ST6GALNAC3: variants seen among roughly 807,000 people sequenced by gnomAD.
ST6GALNAC3 encodes the protein alpha-N-acetylgalactosaminide alpha-2,6-sialyltransferase 3.
Under a neutral mutation model 32.7 loss-of-function variants are expected in ST6GALNAC3, and 25 were observed. The ratio of observed to expected loss-of-function variants is 0.76; its 90% CI spans 0.56 to 1.07. The LOEUF (loss-of-function observed/expected upper bound fraction) is 1.07. Ranked by LOEUF, ST6GALNAC3 falls within the 50% of genes least tolerant of loss-of-function variation. ST6GALNAC3 has a pLI of 0.00. For missense variants in ST6GALNAC3, 355 were observed against 382.4 expected, an observed-to-expected ratio of 0.93 and a Z score of 0.60; for synonymous variants, 129 against 133.1, an observed-to-expected ratio of 0.97 and a Z score of 0.21.
intron 1 of ST6GALNAC3, among the ~76,000 whole-genome samples, chr1:76,283,557 C>T: frequency 6.6e-6 from 1 of 152,154 alleles, no homozygotes; most frequent in Admixed American, 6.5e-5. Context: ...TAAAGAAAAT[C>T]TGGCCTGTTT....
intron 1 of ST6GALNAC3, among the ~76,000 whole-genome samples, chr1:76,268,531 C>T (rs150404845): frequency 5.9e-5 from 9 of 152,246 alleles, no homozygotes; most frequent in African/African-American, 1.4e-4. Context: ...AAGCCATGCA[C>T]GAGTGATCTT....
intron 2 of ST6GALNAC3, among the ~76,000 whole-genome samples, chr1:76,399,464 C>A (rs1359715751): frequency 6.6e-6 from 1 of 152,124 alleles, no homozygotes; most frequent in Non-Finnish European, 1.5e-5. Context: ...ATCACAAACA[C>A]TTGGGGTCTT....
intron 1 of ST6GALNAC3, among the ~76,000 whole-genome samples, chr1:76,232,066 C>G (rs1223822174): frequency 6.6e-6 from 1 of 152,186 alleles, no homozygotes; most frequent in Non-Finnish European, 1.5e-5. Flanking sequence ...TTTGGACAAA[C>G]AGAACCAGGC....
chr1:76,121,368 C>T (rs2100836547), intron 1 of ST6GALNAC3, among the ~76,000 whole-genome samples: 2 of 152,296 alleles, frequency 1.3e-5, no homozygotes, highest in Non-Finnish European at 2.9e-5. Context: ...CATCTCATCT[C>T]CCTGCTTCCA....
intron 2 of ST6GALNAC3, among the ~76,000 whole-genome samples, chr1:76,337,844 A>G (rs1647630648): frequency 6.6e-6 from 1 of 152,078 alleles, no homozygotes; most frequent in Admixed American, 6.6e-5. Context: ...TACGTCTAGC[A>G]CTGGGTCTGT....
intron 1 of ST6GALNAC3, among the ~76,000 whole-genome samples, chr1:76,089,067 C>T (rs1647003968): frequency 1.3e-5 from 2 of 152,078 alleles, no homozygotes; most frequent in African/African-American, 4.8e-5. Context: ...CTCGCTCTGT[C>T]ACCCAGGCTG....
At chr1:76,206,833 T>G (rs532336263) in intron 1 of ST6GALNAC3, among the ~76,000 whole-genome samples, 1 of 152,328 alleles carries the variant, frequency 6.6e-6, no homozygotes, top group East Asian at 1.9e-4. Context: ...AGCTCATGCT[T>G]AAATGATAAC....
At position 76,427,081 on chromosome 1, in the gene ST6GALNAC3, A is replaced by G. The variant is rs571403830; in HGVS notation, c.623+14664A>G. Among the ~76,000 whole-genome samples, 338 of 152,194 alleles carry G rather than the reference A, an allele frequency of 2.2e-3. 1 individual carries two copies. The highest frequency in any genetic ancestry group is 7.8e-3 in the African/African-American group (326 of 41,564). On this transcript the variant is annotated intron_variant, in intron 3 of 4. Coordinates refer to ENST00000328299, the MANE Select transcript of ST6GALNAC3 (RefSeq NM_152996.4). ...CATAGCTCAAGAATCTCTGTTGCCA[A>G]CTTCATGGTCTCCTTAGTGGTACAG... is the stretch of plus-strand genomic sequence containing the variant.
intron 2 of ST6GALNAC3, among the ~76,000 whole-genome samples, chr1:76,322,921 A>G (rs1646997222): frequency 6.6e-6 from 1 of 151,712 alleles, no homozygotes; most frequent in African/African-American, 2.4e-5. Flanking sequence ...GCTCACTGCA[A>G]CCTCCACCTC....
intron 3 of ST6GALNAC3, among the ~76,000 whole-genome samples, chr1:76,557,461 A>T (rs1333251600): frequency 6.6e-6 from 1 of 152,086 alleles, no homozygotes; most frequent in East Asian, 1.9e-4. Context: ...TTCCATCAGG[A>T]TTGTAAACCA....
At chr1:76,525,608 AC>A (rs1234952367) in intron 3 of ST6GALNAC3, among the ~76,000 whole-genome samples, 1 of 151,508 alleles carries the variant, frequency 6.6e-6, no homozygotes, top group Non-Finnish European at 1.5e-5. Context: ...CACTACTGGT[AC>A]AAGAGGCACC....
chr1:76,531,347 C>A (rs1663240828), intron 3 of ST6GALNAC3, among the ~76,000 whole-genome samples: 1 of 152,168 alleles, frequency 6.6e-6, no homozygotes, highest in East Asian at 1.9e-4. Context: ...TGTTTGGAAG[C>A]AGCCTGGGGC....
intron 1 of ST6GALNAC3, among the ~76,000 whole-genome samples, chr1:76,202,229 T>C (rs1654560563): frequency 6.6e-6 from 1 of 151,740 alleles, no homozygotes; most frequent in South Asian, 2.1e-4. Context: ...TCCAAGCCAA[T>C]TCTTTAAAGA....
At chr1:76,226,714 AC>A (rs1656092420) in intron 1 of ST6GALNAC3, among the ~76,000 whole-genome samples, 1 of 152,090 alleles carries the variant, frequency 6.6e-6, no homozygotes, top group Admixed American at 6.6e-5. Flanking sequence ...GGGGTGCCAC[AC>A]CTTTAAACAA....
At chr1:76,106,912 A>G (rs1647570005) in intron 1 of ST6GALNAC3, among the ~76,000 whole-genome samples, 1 of 152,242 alleles carries the variant, frequency 6.6e-6, no homozygotes, top group Admixed American at 6.5e-5. Context: ...ACATGGATAC[A>G]TTTCCCGTTG....
chr1:76,238,948 C>CTTT lies in ST6GALNAC3; in HGVS notation c.19-74840_19-74838dup, dbSNP rs35385527. Among the ~76,000 whole-genome samples, 600 of 131,248 alleles carry CTTT rather than the reference C, an allele frequency of 4.6e-3. 2 individuals carry two copies. Among genetic ancestry groups the CTTT allele is most frequent in the Admixed American group, 6.4e-3 (82 of 12,844 alleles). 86.1% of individuals were successfully genotyped at this position (131,248 alleles called of 152,430 possible). On this transcript the variant is annotated intron_variant, in intron 1 of 4. Transcript: ENST00000328299. ...TCCACTAAGCCTGTTTCCCACTAAC[C>CTTT]TTTTTTTTTTTTTTTTTTTAACTGT...
chr1:76,435,851 C>T (rs1370608079), intron 3 of ST6GALNAC3, among the ~76,000 whole-genome samples: 3 of 120,116 alleles, frequency 2.5e-5, no homozygotes. Context: ...TCAATCTTTT[C>T]TTTTTTTATT....
In ST6GALNAC3 at chr1:76,413,545, A is replaced by G. The variant is rs190129238; in HGVS notation, c.623+1128A>G. Among the ~76,000 whole-genome samples the G allele has an allele frequency of 2.2e-3, 331 of 152,224 alleles. 1 individual carries two copies. Among genetic ancestry groups the G allele is most frequent in the African/African-American group, 7.7e-3 (318 of 41,558 alleles). ...TCTGGATGTAATTTGAATGCTGATGATTACTTAAAAACCTTAGGTGGATCA... is the reference window on the plus strand; with the variant it reads ...TCTGGATGTAATTTGAATGCTGATGGTTACTTAAAAACCTTAGGTGGATCA... On this transcript the variant is annotated intron_variant, in intron 3 of 4. Coordinates refer to ENST00000328299, the MANE Select transcript of ST6GALNAC3 (RefSeq NM_152996.4).
chr1:76,327,510 G>C (rs1473144540), intron 2 of ST6GALNAC3, among the ~76,000 whole-genome samples: 2 of 152,088 alleles, frequency 1.3e-5, no homozygotes, highest in Non-Finnish European at 2.9e-5. Context: ...ATTGGATAAG[G>C]CCTATCCAGT....
Sources: allele counts gnomAD v4.1 joint callset (sites outside exome capture counted in the v4.1 genomes callset), GRCh38; gene constraint gnomAD v4.1.1; transcripts MANE v1.5; gene names NCBI Gene and HGNC (gene_info 2026-07-23, HGNC 2026-07-21).